LIG3: variants seen among roughly 807,000 people sequenced by gnomAD.
LIG3 encodes the protein ligase II, DNA, ATP-dependent.
LIG3 carries 58 observed loss-of-function variants against 110.9 expected under a neutral mutation model. The observed-to-expected ratio is 0.52, with a 90% confidence interval of 0.42 to 0.65. LIG3 has a LOEUF of 0.65. LIG3 is among the 30% of genes least tolerant of loss of function. The probability of loss-of-function intolerance (pLI) is 0.00; values close to 1 mark genes in which losing one functional copy is unlikely to be tolerated. For synonymous variants in LIG3, 422 were observed against 472.8 expected (o/e 0.89, Z 1.39); for missense variants, 1,094 against 1,273.8 (o/e 0.86, Z 2.15).
chr17:34,989,914 C>G (rs1284661766), intron 4 of LIG3: 3 of 497,024 alleles, frequency 6.0e-6, no homozygotes, highest in African/African-American at 5.8e-5. Context: ...TCCCCTTATT[C>G]TGCTCCTAGG....
rs1331657420 is a variant in LIG3, at chr17:34,989,512, G to C, written c.738G>C (p.Lys246Asn). The C allele has an allele frequency of 6.2e-7, 1 of 1,614,012 alleles. No homozygotes were observed. Among genetic ancestry groups the C allele is most frequent in the African/African-American group, 1.3e-5 (1 of 74,990 alleles). The stretch of plus-strand genomic sequence containing the variant: ...AAGCCCCCTCGAGCCCCACCCCTAA[G>C]AGAAGTCTGTCTTCAAGCAAATGTG... ...SGEAPSSPTP[K>N]RSLSSSKCDP... The change falls in exon 4 of 20, where the codon AAG becomes AAC. Residue 246 changes from lysine to asparagine, a missense_variant. Physicochemically the swap from Lys to Asn is moderately conservative, Grantham distance 94. Coordinates refer to ENST00000378526, the MANE Select transcript of LIG3 (RefSeq NM_013975.4).
rs749293026 is a variant in LIG3, at chr17:34,994,424, C to T, written c.1604C>T (p.Pro535Leu). 2.5e-6 allele frequency: 4 copies of T among 1,613,592 alleles called. No individual in the cohort carries two copies. In the African/African-American group the frequency reaches 4.0e-5, roughly 16 times the overall value. Residue 535 changes from proline (P) to leucine (L), a missense_variant, in exon 9 of 20, where the codon CCT (proline) becomes CTT (leucine). Coordinates refer to ENST00000378526, the MANE Select transcript of LIG3 (RefSeq NM_013975.4). Reference protein sequence around the residue: ...YFSRSLKPVLPHKVAHFKDYI... With the variant: ...YFSRSLKPVLLHKVAHFKDYI... ...AGCCGCAGTCTCAAGCCCGTCCTTC[C>T]TCACAAGGTATGAGTGCCTTCCTTT...
In LIG3 at chr17:34,996,664, T is replaced by G; in HGVS notation, c.1823+11T>G. 6.2e-7 allele frequency: 1 copy of G among 1,608,352 alleles called. No homozygotes were observed. The highest frequency in any genetic ancestry group is 8.5e-7 in the Non-Finnish European group (1 of 1,174,992). On this transcript the variant is annotated intron_variant, in intron 11 of 19. Coordinates refer to ENST00000378526, the MANE Select transcript of LIG3 (RefSeq NM_013975.4). ...CAGCTTGATGGACAGGTGAGTTGGC[T>G]AGCATCTTTAAACCCAGAAACTGCC...
intron 17 of LIG3, 87 bp from the exon 18 acceptor site, chr17:35,001,822 T>C: frequency 9.2e-6 from 11 of 1,197,218 alleles, no homozygotes; most frequent in Non-Finnish European, 1.3e-5. Context: ...TGTTCCCATA[T>C]GCGCCTAAAA....
chr17:34,998,040 GC>G, intron 12 of LIG3, 178 bp from the exon 13 acceptor site: 3 of 646,264 alleles, frequency 4.6e-6, no homozygotes, highest in African/African-American at 3.6e-5. Flanking sequence ...GTGTTTCAAA[GC>G]CACAGCAGCC....
In LIG3 at chr17:34,983,189, A is replaced by G. The variant is rs779476910; in HGVS notation, c.184A>G (p.Ser62Gly). Residue 62 changes from serine to glycine, a missense_variant, in exon 2 of 20, where the codon AGC (serine) becomes GGC (glycine). By Grantham distance (56) the Ser-to-Gly change is moderately conservative. Transcript: ENST00000378526. ...AAAGCCTGTTCTATCATTCCAGGGAAGCCATCTAAGATCACGTGCCACCTA... is the reference window on the plus strand; with the variant it reads ...AAAGCCTGTTCTATCATTCCAGGGAGGCCATCTAAGATCACGTGCCACCTA... ...RRKPVLSFQG[S>G]HLRSRATYLV... 4 of 1,614,200 alleles carry G rather than the reference A, an allele frequency of 2.5e-6. No individual in the cohort carries two copies. The highest frequency in any genetic ancestry group is 2.2e-5 in the East Asian group (1 of 44,890).
chr17:35,002,622 A>C, intron 18 of LIG3, 46 bp from the exon 19 acceptor site: 2 of 1,590,218 alleles, frequency 1.3e-6, no homozygotes, highest in Non-Finnish European at 1.7e-6. Context: ...AGTAGCTGGG[A>C]CTATAGGTGT....
At chr17:34,999,494 A>G (rs2090816893) in intron 15 of LIG3, 45 bp downstream of exon 15, 2 of 1,595,636 alleles carry the variant, frequency 1.3e-6, no homozygotes, top group Middle Eastern at 1.7e-4. Flanking sequence ...ACTGGCCGCC[A>G]TCACTGAGAC....
At chr17:34,982,044 A>G (rs542935297) in intron 1 of LIG3, among the ~76,000 whole-genome samples, 6 of 152,286 alleles carry the variant, frequency 3.9e-5, no homozygotes, top group Non-Finnish European at 5.9e-5. Flanking sequence ...TGTGTGCCCA[A>G]CTGTTTTAAG....
In LIG3 at chr17:34,983,475, T is replaced by G; in HGVS notation, c.470T>G (p.Ile157Ser). The G allele has an allele frequency of 1.9e-6, 3 of 1,613,728 alleles. No homozygotes were observed. The highest frequency in any genetic ancestry group is 2.5e-6 in the Non-Finnish European group (3 of 1,179,942). Residue 157 changes from isoleucine to serine, a missense_variant, in exon 2 of 20, where the codon ATC becomes AGC. By Grantham distance (142) the Ile-to-Ser change is moderately radical (BLOSUM62 -2). Transcript: ENST00000378526. ...CGGGCCCGGGCCACCACAAAAAAAA[T>G]CGAGGACCTCACAGAGCTGGAAGGC... ...LERARATTKK[I>S]EDLTELEGWE...
At chr17:34,988,287 C>T (rs1178467077) in intron 3 of LIG3, among the ~76,000 whole-genome samples, 1 of 150,680 alleles carries the variant, frequency 6.6e-6, no homozygotes, top group Non-Finnish European at 1.5e-5. Flanking sequence ...ATGATAAGGA[C>T]AGCATGTTTC....
intron 14 of LIG3, chr17:34,998,998 C>G (rs2074516): frequency 0.17 from 88,123 of 504,778 alleles, 14,438 homozygotes; most frequent in African/African-American, 0.63. Context: ...TCTCCTCAGG[C>G]AAAATCTCTT....
In LIG3 at chr17:35,001,341, C is replaced by T; in HGVS notation, c.2416C>T (p.Arg806Cys). 4.3e-6 allele frequency: 7 copies of T among 1,614,196 alleles called. No individual in the cohort carries two copies. Among genetic ancestry groups the T allele is most frequent in the Non-Finnish European group, 5.9e-6 (7 of 1,180,016 alleles). Residue 806 changes from arginine to cysteine, a missense_variant, in exon 17 of 20, where the codon CGC (arginine) becomes TGC (cysteine). Physicochemically the swap from Arg to Cys is radical, Grantham distance 180. Transcript: ENST00000378526. ...TADGISIRFP[R>C]CTRIRDDKDW... Reference sequence around the variant, plus strand: ...TGACGGGATCTCCATCCGATTCCCTCGCTGCACCCGAATCCGAGATGATAA... The same window carrying T: ...TGACGGGATCTCCATCCGATTCCCTTGCTGCACCCGAATCCGAGATGATAA...
In LIG3 at chr17:35,002,074, G is replaced by A. The variant is rs2090848790; in HGVS notation, c.2644G>A (p.Gly882Arg). Residue 882 changes from glycine to arginine, a missense_variant, in exon 18 of 20, where the codon GGG (glycine) becomes AGG (arginine). Coordinates refer to ENST00000378526, the MANE Select transcript of LIG3 (RefSeq NM_013975.4). ...CTCAGCCAGTACCAAGAAAGCAGAA[G>A]GGAAGCTGAGTAACTCCAACAGCAA... is the stretch of plus-strand genomic sequence containing the variant. The part of the protein sequence containing the change: ...KPSASTKKAE[G>R]KLSNSNSKDG... 1.3e-6 allele frequency: 2 copies of A among 1,593,344 alleles called. No homozygotes were observed. Among genetic ancestry groups the A allele is most frequent in the East Asian group, 2.2e-5 (1 of 44,484 alleles).
intron 12 of LIG3, 141 bp downstream of exon 12, chr17:34,997,966 A>G (rs913369883): frequency 2.8e-6 from 2 of 707,774 alleles, no homozygotes; most frequent in Middle Eastern, 2.4e-4. Flanking sequence ...ACTATTGCAT[A>G]TGTTGCCTGC....
Position 35,002,878 on chromosome 17 carries a change from G to A in LIG3, c.2796+89G>A. 3 of 1,583,426 alleles carry A rather than the reference G, an allele frequency of 1.9e-6. No homozygotes were observed. In the East Asian group the frequency reaches 6.8e-5, roughly 36 times the overall value. ...CTGTACAAGAAGTTTGAAAGAGGAT[G>A]AGCAAAGGTGTTTGGGGAACATCGG... is the stretch of plus-strand genomic sequence containing the variant. On this transcript the variant is annotated intron_variant, in intron 19 of 19. Coordinates refer to ENST00000378526, the MANE Select transcript of LIG3 (RefSeq NM_013975.4).
rs1336486031 is a variant in LIG3, at chr17:35,008,844, G to C, written c.*4338G>C. On this transcript the variant is annotated 3_prime_UTR_variant, in exon 20 of 20. Coordinates refer to ENST00000378526, the MANE Select transcript of LIG3 (RefSeq NM_013975.4). Reference sequence around the variant, plus strand: ...GACGGGGTTTCACCGTGTTAGCCAGGGTGGTCTCGATCTCCTGACCTCGTG... The same window carrying C: ...GACGGGGTTTCACCGTGTTAGCCAGCGTGGTCTCGATCTCCTGACCTCGTG... The C allele has an allele frequency of 6.6e-6, 1 of 152,174 alleles. No individual in the cohort carries two copies. The highest frequency in any genetic ancestry group is 1.5e-5 in the Non-Finnish European group (1 of 68,080). The allele number at this position is 152,174 out of a possible 1,614,324, so 9.4% of individuals were successfully genotyped here. A position where few individuals can be genotyped will look rare whatever the true frequency, so the allele number is the denominator to read the frequency against.
intron 1 of LIG3, among the ~76,000 whole-genome samples, chr17:34,982,561 C>A (rs1459701325): frequency 6.6e-6 from 1 of 151,510 alleles, no homozygotes; most frequent in Non-Finnish European, 1.5e-5. Context: ...GCAGGAGAAT[C>A]GCTTGAACCC....
intron 19 of LIG3, 128 bp downstream of exon 19, chr17:35,002,917 C>G: frequency 6.2e-7 from 1 of 1,604,184 alleles, no homozygotes; most frequent in African/African-American, 1.3e-5. Context: ...AACCTCTTCC[C>G]TGCCTGCAGC....
Sources: gnomAD v4.1 joint callset for allele counts (sites outside exome capture counted in the v4.1 genomes callset) on GRCh38, gnomAD v4.1.1 for gene constraint, MANE v1.5 for transcripts, NCBI Gene and HGNC (gene_info 2026-07-23, HGNC 2026-07-21) for gene names.